PDE1A: variants seen among roughly 807,000 people sequenced by gnomAD.
The protein encoded by PDE1A is phosphodiesterase 1A.
A neutral mutation model predicts 61.7 loss-of-function variants in PDE1A; 35 were observed. That is an observed-to-expected ratio of 0.57 (90% CI 0.43 to 0.75). PDE1A has a LOEUF of 0.75. PDE1A is among the 30% of genes least tolerant of loss of function. The probability of loss-of-function intolerance (pLI) is 0.00; values close to 1 mark genes in which losing one functional copy is unlikely to be tolerated. For missense variants in PDE1A, 597 were observed against 630.6 expected, an observed-to-expected ratio of 0.95 and a Z score of 0.57; for synonymous variants, 232 against 213.2, an observed-to-expected ratio of 1.09 and a Z score of -0.77.
At chr2:182,385,983 C>A (rs1018958742) in intron 1 of PDE1A, among the ~76,000 whole-genome samples, 29 of 152,304 alleles carry the variant, frequency 1.9e-4, no homozygotes, top group Non-Finnish European at 2.8e-4. Context: ...CCTCAGCCTG[C>A]CGAGTGCCTG....
chr2:182,566,808 A>C, the PDE1A span, among the ~76,000 whole-genome samples: 1 of 152,260 alleles, frequency 6.6e-6, no homozygotes, highest in South Asian at 2.1e-4. Context: ...ATCTTCTGTA[A>C]ATAGCAACAC....
chr2:182,601,163 C>T, the PDE1A span, among the ~76,000 whole-genome samples: 1 of 152,186 alleles, frequency 6.6e-6, no homozygotes, highest in Non-Finnish European at 1.5e-5. Context: ...CCACATCTGC[C>T]AAGGGTGAGC....
exon 8 of PDE1A, chr2:182,205,969 G>C: frequency 6.2e-7 from 1 of 1,610,170 alleles, no homozygotes; most frequent in Non-Finnish European, 8.5e-7. Flanking sequence ...AATTTATCAA[G>C]ATATTCATTT....
At chr2:182,352,843 A>G (rs1040154370) in intron 1 of PDE1A, among the ~76,000 whole-genome samples, 3 of 152,236 alleles carry the variant, frequency 2.0e-5, no homozygotes, top group Admixed American at 2.0e-4. Flanking sequence ...ATCTTGAGTC[A>G]TAGAAACTAT....
intron 2 of PDE1A, among the ~76,000 whole-genome samples, chr2:182,514,961 C>T (rs1463294267): frequency 2.6e-5 from 4 of 152,166 alleles, no homozygotes; most frequent in Non-Finnish European, 4.4e-5. Context: ...GCCACACACC[C>T]AAACCATGTT....
chr2:182,506,951 A>G (rs1255946209), intron 2 of PDE1A, among the ~76,000 whole-genome samples: 1 of 152,250 alleles, frequency 6.6e-6, no homozygotes, highest in African/African-American at 2.4e-5. Flanking sequence ...ACAGAAATCT[A>G]AGAGCAATAC....
the PDE1A span, among the ~76,000 whole-genome samples, chr2:182,546,217 T>C: frequency 6.6e-6 from 1 of 152,088 alleles, no homozygotes; most frequent in Non-Finnish European, 1.5e-5. Flanking sequence ...ATCAGGAGGA[T>C]GAAGTGCCAA....
chr2:182,638,260 C>T, the PDE1A span, among the ~76,000 whole-genome samples: 8 of 152,158 alleles, frequency 5.3e-5, no homozygotes, highest in Admixed American at 1.3e-4. Context: ...GGCATACAGT[C>T]GGGTGCAGTG....
intron 1 of PDE1A, among the ~76,000 whole-genome samples, chr2:182,409,513 G>A (rs1433004986): frequency 6.6e-6 from 1 of 152,164 alleles, no homozygotes; most frequent in Non-Finnish European, 1.5e-5. Context: ...CTAGTGGAGA[G>A]GGCAGACACT....
At chr2:182,653,329 C>T in the PDE1A span, among the ~76,000 whole-genome samples, 1 of 152,220 alleles carries the variant, frequency 6.6e-6, no homozygotes, top group East Asian at 1.9e-4. Context: ...TGAGAGACAC[C>T]TCGCTATGTA....
At chr2:182,648,907 G>A in the PDE1A span, among the ~76,000 whole-genome samples, 1 of 152,118 alleles carries the variant, frequency 6.6e-6, no homozygotes, top group Non-Finnish European at 1.5e-5. Context: ...GTGTTTGAAA[G>A]TGCCACCTAA....
chr2:182,695,899 A>G, the PDE1A span, among the ~76,000 whole-genome samples: 2 of 152,188 alleles, frequency 1.3e-5, no homozygotes, highest in African/African-American at 2.4e-5. Context: ...AGGAAATCCA[A>G]ATTAAAGCAA....
intron 13 of PDE1A, among the ~76,000 whole-genome samples, chr2:182,176,087 G>C (rs1470856200): frequency 6.7e-6 from 1 of 149,348 alleles, no homozygotes; most frequent in African/African-American, 2.6e-5. Flanking sequence ...GGTTACTGTA[G>C]CCTTGTAGTA....
Position 182,230,132 on chromosome 2 carries a change from G to A in PDE1A, c.549C>T (p.Cys183=), listed in dbSNP as rs150489482. Residue 183 remains cysteine (C), a synonymous_variant, in exon 6 of 14, where the codon TGC becomes TGT. Coordinates refer to ENST00000351439, the Ensembl canonical transcript of PDE1A. ...CTAAAGCTTCTGCAAAGGTGATTAG[G>A]CAAGAAACAGGAATCTGTGGAAAGT... 821 of 1,611,360 alleles carry A rather than the reference G, an allele frequency of 5.1e-4. 2 individuals are homozygous for A. The highest frequency in any genetic ancestry group is 4.2e-4 in the Non-Finnish European group (498 of 1,178,708).
chr2:182,341,170 A>T (rs2125037866), intron 1 of PDE1A, among the ~76,000 whole-genome samples: 1 of 152,308 alleles, frequency 6.6e-6, no homozygotes, highest in Non-Finnish European at 1.5e-5. Flanking sequence ...AACGTTATAG[A>T]GAGGAACATG....
chr2:182,578,398 G>A, the PDE1A span, among the ~76,000 whole-genome samples: 1 of 152,076 alleles, frequency 6.6e-6, no homozygotes, highest in African/African-American at 2.4e-5. Context: ...GAGACCTAAA[G>A]CTTCTAACAT....
intron 2 of PDE1A, among the ~76,000 whole-genome samples, chr2:182,474,912 C>T (rs996015224): frequency 6.6e-6 from 1 of 151,824 alleles, no homozygotes. Flanking sequence ...TAAAACTCCT[C>T]ACAAAAGAGA....
intron 1 of PDE1A, among the ~76,000 whole-genome samples, chr2:182,368,700 G>C (rs977208342): frequency 1.3e-5 from 2 of 152,034 alleles, no homozygotes; most frequent in African/African-American, 4.8e-5. Flanking sequence ...CTGGAAACTT[G>C]GGATGGGAGC....
At chr2:182,424,606 A>G (rs1230706855) in intron 1 of PDE1A, among the ~76,000 whole-genome samples, 1 of 152,238 alleles carries the variant, frequency 6.6e-6, no homozygotes, top group East Asian at 1.9e-4. Context: ...GCAATGCATC[A>G]AAAGCAAGCT....
Sources: gnomAD v4.1 joint callset for allele counts (sites outside exome capture counted in the v4.1 genomes callset) on GRCh38, gnomAD v4.1.1 for gene constraint, MANE v1.5 for transcripts, NCBI Gene and HGNC (gene_info 2026-07-23, HGNC 2026-07-21) for gene names.